Variants in LZTS1 observed in about 807,000 individuals in gnomAD.
The protein encoded by LZTS1 is leucine zipper tumor suppressor 1.
LZTS1 carries 31 observed loss-of-function variants against 45.8 expected under a neutral mutation model. The ratio of observed to expected loss-of-function variants is 0.68; its 90% CI spans 0.51 to 0.91. The LOEUF is 0.91. Ranked by LOEUF, LZTS1 falls within the 40% of genes least tolerant of loss-of-function variation. The pLI is 0.00. For missense variants in LZTS1, 821 were observed against 788.9 expected, an observed-to-expected ratio of 1.04 and a Z score of -0.49; for synonymous variants, 359 against 357.3, an observed-to-expected ratio of 1.00 and a Z score of -0.05.
rs2645385 is a variant in LZTS1, at chr8:20,252,708, G to A, written c.1149+74C>T. ...GGTCTGTGTTTGCACGCTATTGGCC[G>A]GCACCAGAAGGAGAGGGGGGTACTG... is the stretch of plus-strand genomic sequence containing the variant. On this transcript the variant is annotated intron_variant, in intron 3 of 3. Coordinates refer to ENST00000381569, the MANE Select transcript of LZTS1 (RefSeq NM_021020.5). 0.35 allele frequency: 483,142 copies of A among 1,370,832 alleles called. 86,257 individuals are homozygous for A. The highest frequency in any genetic ancestry group is 0.42 in the East Asian group (18,031 of 42,636). The allele number at this position is 1,370,832 out of a possible 1,614,324, so 84.9% of individuals were successfully genotyped here.
rs1416182417 is a variant in LZTS1 at position 20,246,815 on chromosome 8, G to A, written c.*2907C>T. The A allele has an allele frequency of 2.0e-5, 3 of 152,378 alleles. No homozygotes were observed. Among genetic ancestry groups the A allele is most frequent in the Admixed American group, 1.3e-4 (2 of 15,282 alleles). 9.4% of individuals were successfully genotyped at this position (152,378 alleles called of 1,614,324 possible). ...CTCCTGCAGGCGTCCTTTGGGGACA[G>A]AGCAGGTTGGTCCATCCGAGTGGGT... is the stretch of plus-strand genomic sequence containing the variant. On this transcript the variant is annotated 3_prime_UTR_variant, in exon 4 of 4. Transcript: ENST00000381569.
At position 20,247,110 on chromosome 8, in the gene LZTS1, G is replaced by GGAA. The variant is rs962147115; in HGVS notation, c.*2609_*2611dup. Reference sequence around the variant, plus strand: ...GGGGCGGGGGCTGGTGGCAGCCCAGGGAAGACATCTGCCACCTTGGACGTA... The same window carrying GGAA: ...GGGGCGGGGGCTGGTGGCAGCCCAGGGAAGAAGACATCTGCCACCTTGGACGTA... On this transcript the variant is annotated 3_prime_UTR_variant, in exon 4 of 4. Transcript: ENST00000381569. The GGAA allele has an allele frequency of 5.2e-5, 8 of 152,544 alleles. No homozygotes were observed. The highest frequency in any genetic ancestry group is 5.2e-4 in the Admixed American group (8 of 15,310). The allele number at this position is 152,544 out of a possible 1,614,324, so 9.4% of individuals were successfully genotyped here. A position where few individuals can be genotyped will look rare whatever the true frequency, so the allele number is the denominator to read the frequency against.
chr8:20,290,725 TTTTA>T (rs1193529423), intron 1 of LZTS1, among the ~76,000 whole-genome samples: 2 of 152,266 alleles, frequency 1.3e-5, no homozygotes, highest in Admixed American at 6.5e-5. Flanking sequence ...AGAAGTTTCA[TTTTA>T]TTTGTTTTTC....
chr8:20,295,681 C>G (rs138886385), intron 1 of LZTS1, among the ~76,000 whole-genome samples: 1 of 152,264 alleles, frequency 6.6e-6, no homozygotes, highest in Non-Finnish European at 1.5e-5. Context: ...ATGGGAGTGA[C>G]AAGTACGTTA....
chr8:20,300,801 T>G (rs1283080564), intron 1 of LZTS1, among the ~76,000 whole-genome samples: 1 of 151,988 alleles, frequency 6.6e-6, no homozygotes, highest in Non-Finnish European at 1.5e-5. Flanking sequence ...GAAACTTTCT[T>G]GGAGGAGTTG....
chr8:20,274,012 A>G (rs1800526128), intron 1 of LZTS1, among the ~76,000 whole-genome samples: 1 of 151,802 alleles, frequency 6.6e-6, no homozygotes, highest in Non-Finnish European at 1.5e-5. Context: ...AGGTTTTCCC[A>G]CGCTGCTCCC....
chr8:20,249,074 C>G lies in LZTS1; in HGVS notation c.*648G>C, dbSNP rs1202095637. The stretch of plus-strand genomic sequence containing the variant: ...GGCTGGCCATCACCCGCCACTGGCT[C>G]TCAACCCTTGGATTCTCCCTCTGCC... On this transcript the variant is annotated 3_prime_UTR_variant, in exon 4 of 4. Coordinates refer to ENST00000381569, the MANE Select transcript of LZTS1 (RefSeq NM_021020.5). 1 of 153,238 alleles carries G rather than the reference C, an allele frequency of 6.5e-6. No homozygotes were observed. Among genetic ancestry groups the G allele is most frequent in the Non-Finnish European group, 1.5e-5 (1 of 68,546 alleles). The allele number at this position is 153,238 out of a possible 1,614,324, so 9.5% of individuals were successfully genotyped here. A position where few individuals can be genotyped will look rare whatever the true frequency, so the allele number is the denominator to read the frequency against.
intron 1 of LZTS1, among the ~76,000 whole-genome samples, chr8:20,278,231 T>G (rs1210437770): frequency 6.6e-6 from 1 of 152,160 alleles, no homozygotes; most frequent in Non-Finnish European, 1.5e-5. Flanking sequence ...GGTTCAAGCA[T>G]GCGCACTAAG....
intron 1 of LZTS1, 71 bp downstream of exon 1, chr8:20,303,669 G>C (rs1801121971): frequency 1.0e-6 from 1 of 984,162 alleles, no homozygotes; most frequent in Admixed American, 6.1e-5. Flanking sequence ...CCGGCGAGGG[G>C]AAAGCGGTTT....
rs188904065 is a variant in LZTS1, at chr8:20,286,696, T to G, written c.-135+17044A>C. ...TTCACTTAAAGACCTAGCAGTTTTG[T>G]GCGTAAGAGTCCCAAACTCAAAATA... On this transcript the variant is annotated intron_variant, in intron 1 of 3. Coordinates refer to ENST00000381569, the MANE Select transcript of LZTS1 (RefSeq NM_021020.5). Among the ~76,000 whole-genome samples, 10 of 152,302 alleles carry G rather than the reference T, an allele frequency of 6.6e-5. No individual in the cohort carries two copies. The East Asian group carries it at 1.9e-3, about 29-fold the overall frequency.
At chr8:20,300,596 T>G (rs903513646) in intron 1 of LZTS1, among the ~76,000 whole-genome samples, 2 of 152,098 alleles carry the variant, frequency 1.3e-5, no homozygotes, top group Admixed American at 1.3e-4. Flanking sequence ...CCTCCCAAAG[T>G]GCTGAGATTA....
At chr8:20,251,374 G>A (rs1402094387) in intron 3 of LZTS1, among the ~76,000 whole-genome samples, 1 of 151,858 alleles carries the variant, frequency 6.6e-6, no homozygotes, top group Non-Finnish European at 1.5e-5. Context: ...CCTGGGTAGG[G>A]TCGGATTTTC....
rs919677899 is a variant in LZTS1, at chr8:20,248,023, T to A, written c.*1699A>T. ...AGCAAAAAAGAAAAAGAAAGAAGAA[T>A]AAAAGAAAAATCTGGCCAGGCACGG... On this transcript the variant is annotated 3_prime_UTR_variant, in exon 4 of 4. Transcript: ENST00000381569. The A allele has an allele frequency of 6.6e-6, 1 of 152,442 alleles. No individual in the cohort carries two copies. Among genetic ancestry groups the A allele is most frequent in the Non-Finnish European group, 1.5e-5 (1 of 68,056 alleles). 9.4% of individuals were successfully genotyped at this position (152,442 alleles called of 1,614,324 possible).
chr8:20,249,880 G>C lies in LZTS1; in HGVS notation c.1633C>G (p.Gln545Glu), dbSNP rs1395823062. The change falls in exon 4 of 4, where the codon CAG becomes GAG. Residue 545 changes from glutamine to glutamate, a missense_variant. By Grantham distance (29) the Gln-to-Glu change is conservative. Transcript: ENST00000381569. ...EKEKVIQYQK[Q>E]LQQSYVAMYQ... Reference sequence around the variant, plus strand: ...ATGGCCACGTAGCTCTGCTGCAGCTGTTTCTGGTACTGAATCACCTTCTCC... The same window carrying C: ...ATGGCCACGTAGCTCTGCTGCAGCTCTTTCTGGTACTGAATCACCTTCTCC... The C allele has an allele frequency of 6.2e-7, 1 of 1,614,242 alleles. No homozygotes were observed. The highest frequency in any genetic ancestry group is 8.5e-7 in the Non-Finnish European group (1 of 1,180,040).
intron 1 of LZTS1, among the ~76,000 whole-genome samples, chr8:20,270,550 G>T (rs947179608): frequency 6.6e-6 from 1 of 152,196 alleles, no homozygotes; most frequent in East Asian, 1.9e-4. Flanking sequence ...AGACAGAGTA[G>T]AAAGAAGCAG....
intron 1 of LZTS1, among the ~76,000 whole-genome samples, chr8:20,291,656 G>A (rs929064056): frequency 6.6e-6 from 1 of 150,974 alleles, no homozygotes; most frequent in Non-Finnish European, 1.5e-5. Context: ...AGTAAAGATT[G>A]CCTTGCTGAG....
intron 3 of LZTS1, among the ~76,000 whole-genome samples, chr8:20,250,670 TCTTGGCTCACTGCAAC>T (rs1799871650): frequency 6.6e-6 from 1 of 152,184 alleles, no homozygotes. Context: ...AGTGGCGTGA[TCTTGGCTCACTGCAAC>T]CTCCGCCTCC....
intron 1 of LZTS1, among the ~76,000 whole-genome samples, chr8:20,293,605 AC>A (rs1408025057): frequency 6.6e-6 from 1 of 152,228 alleles, no homozygotes; most frequent in Non-Finnish European, 1.5e-5. Flanking sequence ...CTGGACATGA[AC>A]CTAGCCTTCT....
At chr8:20,275,969 A>G (rs1800571943) in intron 1 of LZTS1, 1 of 152,246 alleles carries the variant, frequency 6.6e-6, no homozygotes, top group Admixed American at 6.5e-5. Flanking sequence ...AGCCTGCAGA[A>G]ATGAAGGCAG....
Sources: gnomAD v4.1 joint callset for allele counts (sites outside exome capture counted in the v4.1 genomes callset) on GRCh38, gnomAD v4.1.1 for gene constraint, MANE v1.5 for transcripts, NCBI Gene and HGNC (gene_info 2026-07-23, HGNC 2026-07-21) for gene names.